The following PPA2 variants were observed in gnomAD, a reference collection of about 807,000 sequenced individuals.
The protein encoded by PPA2 is inorganic pyrophosphatase 2.
Under a neutral mutation model 49.5 loss-of-function variants are expected in PPA2, and 48 were observed. The observed-to-expected ratio is 0.97, with a 90% CI of 0.77 to 1.23. PPA2 has a LOEUF of 1.23. Ranked by LOEUF, PPA2 falls within the 50% of genes most tolerant of loss-of-function variation. The probability of loss-of-function intolerance (pLI) is 0.00; values close to 1 mark genes in which losing one functional copy is unlikely to be tolerated. For missense variants in PPA2, 429 were observed against 410.1 expected, an observed-to-expected ratio of 1.05 and a Z score of -0.40; for synonymous variants, 131 against 139.9, an observed-to-expected ratio of 0.94 and a Z score of 0.45.
chr4:105,451,532 C>T (rs1722675885), intron 3 of PPA2, among the ~76,000 whole-genome samples: 1 of 152,140 alleles, frequency 6.6e-6, no homozygotes, highest in South Asian at 2.1e-4. Flanking sequence ...TACCCCTGCA[C>T]CTGTTTAAAT....
intron 3 of PPA2, among the ~76,000 whole-genome samples, chr4:105,449,671 A>G (rs1362159207): frequency 6.6e-6 from 1 of 152,174 alleles, no homozygotes; most frequent in East Asian, 1.9e-4. Flanking sequence ...TAGTGACAAA[A>G]CTAGAATGGA....
chr4:105,417,475 G>T (rs1437241167), intron 7 of PPA2, among the ~76,000 whole-genome samples: 2 of 151,670 alleles, frequency 1.3e-5, no homozygotes, highest in Non-Finnish European at 2.9e-5. Flanking sequence ...ACTTTTCCGA[G>T]GTCAGATAAT....
intron 6 of PPA2, among the ~76,000 whole-genome samples, chr4:105,431,394 A>T (rs1479612304): frequency 6.6e-6 from 1 of 152,218 alleles, no homozygotes; most frequent in African/African-American, 2.4e-5. Flanking sequence ...AAAAAATCAC[A>T]ATACCATTTC....
At chr4:105,411,703 C>T (rs1257657375) in intron 7 of PPA2, among the ~76,000 whole-genome samples, 2 of 152,182 alleles carry the variant, frequency 1.3e-5, no homozygotes, top group Non-Finnish European at 2.9e-5. Context: ...ATCATCTCAG[C>T]CCAAAATCTC....
intron 6 of PPA2, among the ~76,000 whole-genome samples, chr4:105,436,424 T>C (rs1051143154): frequency 1.3e-5 from 2 of 152,126 alleles, no homozygotes; most frequent in Non-Finnish European, 2.9e-5. Context: ...GTAATTCCTA[T>C]CAAATTACCA....
chr4:105,421,613 C>T (rs924990875), intron 7 of PPA2, among the ~76,000 whole-genome samples: 1 of 152,142 alleles, frequency 6.6e-6, no homozygotes, highest in African/African-American at 2.4e-5. Flanking sequence ...ATCTCTTCTT[C>T]CTTTCAATTT....
chr4:105,465,568 T>A (rs148157698), intron 1 of PPA2, among the ~76,000 whole-genome samples: 1 of 152,156 alleles, frequency 6.6e-6, no homozygotes, highest in Non-Finnish European at 1.5e-5. Flanking sequence ...GTAAGAAGGA[T>A]TGCATGTGAG....
intron 10 of PPA2, among the ~76,000 whole-genome samples, chr4:105,377,677 T>G (rs1204038860): frequency 2.6e-5 from 4 of 152,254 alleles, no homozygotes; most frequent in African/African-American, 9.6e-5. Context: ...TCCTAAAAGT[T>G]TCTCCATGGC....
At chr4:105,406,850 G>C (rs1722501100) in intron 7 of PPA2, 1 of 152,028 alleles carries the variant, frequency 6.6e-6, no homozygotes, top group Non-Finnish European at 1.5e-5. Flanking sequence ...AATACAAATG[G>C]CTGTTCACCA....
chr4:105,422,507 A>C (rs570462788), intron 7 of PPA2, among the ~76,000 whole-genome samples: 51 of 152,360 alleles, frequency 3.3e-4, no homozygotes, highest in African/African-American at 1.2e-3. Context: ...TCAAGGAGTC[A>C]TGCTAGGCTT....
intron 5 of PPA2, among the ~76,000 whole-genome samples, chr4:105,443,882 C>A (rs1281997167): frequency 6.6e-6 from 1 of 152,142 alleles, no homozygotes; most frequent in South Asian, 2.1e-4. Flanking sequence ...CTTGTTCCCT[C>A]ACTTCCTTTA....
At chr4:105,385,433 C>T (rs1295594791) in intron 10 of PPA2, among the ~76,000 whole-genome samples, 2 of 149,720 alleles carry the variant, frequency 1.3e-5, no homozygotes, top group Non-Finnish European at 3.0e-5. Flanking sequence ...AACAAACAAA[C>T]AACAACAAAA....
At chr4:105,421,330 C>T (rs542153436) in intron 7 of PPA2, among the ~76,000 whole-genome samples, 29 of 152,252 alleles carry the variant, frequency 1.9e-4, no homozygotes, top group Admixed American at 1.4e-3. Flanking sequence ...GAACAAAAAA[C>T]ATCTGTGATA....
intron 3 of PPA2, among the ~76,000 whole-genome samples, chr4:105,451,473 T>C (rs771716854): frequency 2.0e-5 from 3 of 152,246 alleles, no homozygotes; most frequent in Admixed American, 6.5e-5. Flanking sequence ...TTAGCAACCT[T>C]ACATACAGTC....
chr4:105,447,793 G>A (rs1250041410), intron 4 of PPA2, among the ~76,000 whole-genome samples: 1 of 150,134 alleles, frequency 6.7e-6, no homozygotes, highest in South Asian at 2.1e-4. Flanking sequence ...GAGTGCAGTG[G>A]TGTGATCTCA....
At chr4:105,424,574 TA>T (rs1051686715) in intron 6 of PPA2, among the ~76,000 whole-genome samples, 2 of 152,120 alleles carry the variant, frequency 1.3e-5, no homozygotes, top group Non-Finnish European at 2.9e-5. Context: ...TGCAAACAAC[TA>T]AAAAACTGGA....
chr4:105,458,651 G>A (rs28478829), intron 1 of PPA2, among the ~76,000 whole-genome samples: 34,914 of 151,298 alleles, frequency 0.23, 4,680 homozygotes, highest in South Asian at 0.33. Flanking sequence ...GCAAAACCCC[G>A]TCTGTACTAA....
intron 7 of PPA2, among the ~76,000 whole-genome samples, chr4:105,423,691 A>G (rs138439039): frequency 2.1e-4 from 32 of 152,312 alleles, no homozygotes; most frequent in African/African-American, 6.7e-4. Context: ...TTTCTAGGAC[A>G]TCAAAATTTC....
intron 7 of PPA2, among the ~76,000 whole-genome samples, chr4:105,404,727 AACACAGCCAAAGTT>A (rs1578824531): frequency 6.6e-6 from 1 of 152,302 alleles, no homozygotes; most frequent in East Asian, 1.9e-4. Flanking sequence ...TTTGTCCATG[AACACAGCCAAAGTT>A]ACACTTACAG....
Sources: allele counts gnomAD v4.1 joint callset (sites outside exome capture counted in the v4.1 genomes callset), GRCh38; gene constraint gnomAD v4.1.1; transcripts MANE v1.5; gene names NCBI Gene and HGNC (gene_info 2026-07-23, HGNC 2026-07-21).